Variants in CDC123 observed in about 807,000 individuals in gnomAD.
CDC123 encodes translation initiation factor eIF2 assembly protein.
CDC123 carries 37 observed loss-of-function variants against 54.4 expected under a neutral mutation model. The ratio of observed to expected loss-of-function variants is 0.68; its 90% CI spans 0.52 to 0.89. The LOEUF (loss-of-function observed/expected upper bound fraction) is 0.89, where lower values mean the gene tolerates loss of function less well. CDC123 is among the 40% of genes least tolerant of loss of function. The pLI, the probability that CDC123 is intolerant of heterozygous loss-of-function variation, is 0.00. For synonymous variants in CDC123, 144 were observed against 136.8 expected (o/e 1.05, Z -0.37); for missense variants, 361 against 412.1 (o/e 0.88, Z 1.07).
Position 12,221,318 on chromosome 10 carries a change from A to G in CDC123, c.440+3851A>G, listed in dbSNP as rs115164672. On this transcript the variant is annotated intron_variant, in intron 6 of 12. Transcript: ENST00000281141. ...AGGCCCTTTCCTTCCACCATCCTTG[A>G]CTTAGTGGCTCGGTCTTTGGGTTTC... Among the ~76,000 whole-genome samples, 916 of 152,256 alleles carry G rather than the reference A, an allele frequency of 6.0e-3. 9 individuals are homozygous for G. The highest frequency in any genetic ancestry group is 0.021 in the African/African-American group (878 of 41,536).
At chr10:12,241,079 A>G (rs1195857308) in intron 10 of CDC123, among the ~76,000 whole-genome samples, 2 of 152,176 alleles carry the variant, frequency 1.3e-5, no homozygotes, top group Non-Finnish European at 2.9e-5. Context: ...GCTTGCCTTT[A>G]CAATATAGGG....
rs1206125040 is a variant in CDC123, at chr10:12,230,953, T to C, written c.446T>C (p.Ile149Thr). 1.2e-6 allele frequency: 2 copies of C among 1,611,846 alleles called. No individual in the cohort carries two copies. Among genetic ancestry groups the C allele is most frequent in the East Asian group, 4.5e-5 (2 of 44,830 alleles). The change falls in exon 7 of 13, where the codon ATT (isoleucine) becomes ACT (threonine). Residue 149 changes from isoleucine to threonine, a missense_variant. Physicochemically the swap from Ile to Thr is moderately conservative, Grantham distance 89 (BLOSUM62 -1). Coordinates refer to ENST00000281141, the MANE Select transcript of CDC123 (RefSeq NM_006023.3). Reference sequence around the variant, plus strand: ...CTTTTCTTCTTCTTCCAAAGGTTTATTCATTGTACTGATGATTCTCCAGAT... The same window carrying C: ...CTTTTCTTCTTCTTCCAAAGGTTTACTCATTGTACTGATGATTCTCCAGAT... ...FITRDFTQPF[I>T]HCTDDSPDPC...
intron 10 of CDC123, among the ~76,000 whole-genome samples, chr10:12,239,420 A>G (rs953308907): frequency 1.3e-5 from 2 of 152,172 alleles, no homozygotes; most frequent in Non-Finnish European, 2.9e-5. Context: ...TGATATTTAT[A>G]TAATTATTTT....
intron 7 of CDC123, among the ~76,000 whole-genome samples, chr10:12,233,001 C>T (rs921631579): frequency 4.5e-4 from 69 of 152,108 alleles, no homozygotes; most frequent in African/African-American, 1.6e-3. Context: ...CCTCGTGATC[C>T]GTCCGCCTCA....
chr10:12,214,385 A>G (rs1327824668), intron 4 of CDC123, among the ~76,000 whole-genome samples: 3 of 152,168 alleles, frequency 2.0e-5, no homozygotes, highest in African/African-American at 7.2e-5. Flanking sequence ...CATAAATCAT[A>G]ATTGCTTTGG....
rs182040727 is a variant in CDC123, at chr10:12,250,043, A to G, written c.985-268A>G. ...CTCTGCTCTGGTGGTGATTTTACTC[A>G]AGAGGGGATGTGAATATTTATATTT... On this transcript the variant is annotated intron_variant, in intron 12 of 12. Transcript: ENST00000281141. 1.5e-3 allele frequency: 735 copies of G among 475,142 alleles called. 1 individual carries two copies. The highest frequency in any genetic ancestry group is 3.6e-3 in the Admixed American group (93 of 25,810). 29.4% of individuals were successfully genotyped at this position (475,142 alleles called of 1,614,324 possible). A position where few individuals can be genotyped will look rare whatever the true frequency, so the allele number is the denominator to read the frequency against.
At chr10:12,219,795 C>T (rs1021651843) in intron 6 of CDC123, among the ~76,000 whole-genome samples, 9 of 151,466 alleles carry the variant, frequency 5.9e-5, no homozygotes, top group African/African-American at 1.7e-4. Flanking sequence ...AGCAGTTCTT[C>T]TGCCTCAGCC....
At chr10:12,246,125 G>T (rs2131771606) in intron 10 of CDC123, 24 bp from the exon 11 acceptor site, 3 of 1,604,704 alleles carry the variant, frequency 1.9e-6, no homozygotes, top group East Asian at 2.2e-5. Context: ...GTTTGTTTTT[G>T]TTTTTTCTCT....
At chr10:12,209,366 A>G (rs1241914440) in intron 2 of CDC123, among the ~76,000 whole-genome samples, 5 of 152,022 alleles carry the variant, frequency 3.3e-5, no homozygotes, top group Admixed American at 1.3e-4. Context: ...CTTCCTGAAT[A>G]GCTGTGACCA....
chr10:12,230,101 T>C (rs1192820242), intron 6 of CDC123, among the ~76,000 whole-genome samples: 2 of 152,212 alleles, frequency 1.3e-5, no homozygotes, highest in Admixed American at 6.5e-5. Flanking sequence ...TCTCTATGGT[T>C]ATAATAGCCC....
intron 5 of CDC123, among the ~76,000 whole-genome samples, chr10:12,216,189 C>G (rs1835661942): frequency 6.6e-6 from 1 of 152,108 alleles, no homozygotes; most frequent in African/African-American, 2.4e-5. Context: ...GTAATAGTGT[C>G]ATAGGCTATA....
chr10:12,218,575 T>C (rs1003864592), intron 6 of CDC123, among the ~76,000 whole-genome samples: 23 of 152,210 alleles, frequency 1.5e-4, no homozygotes, highest in African/African-American at 4.8e-4. Flanking sequence ...CTTTTGCACT[T>C]ACCAGTGTGA....
chr10:12,245,002 C>CTA (rs1439160442), intron 10 of CDC123: 1 of 152,304 alleles, frequency 6.6e-6, no homozygotes, highest in African/African-American at 2.4e-5. Flanking sequence ...GAGTGAGACT[C>CTA]TCACAAAAAA....
At chr10:12,224,641 T>C (rs747251774) in intron 6 of CDC123, among the ~76,000 whole-genome samples, 1 of 152,228 alleles carries the variant, frequency 6.6e-6, no homozygotes, top group Non-Finnish European at 1.5e-5. Context: ...TCCTTTCAGC[T>C]TAGACTACAA....
chr10:12,246,213 G>C lies in CDC123; in HGVS notation c.782G>C (p.Trp261Ser). Residue 261 changes from tryptophan (W) to serine (S), a missense_variant, in exon 11 of 13, where the codon TGG becomes TCG. Coordinates refer to ENST00000281141, the MANE Select transcript of CDC123 (RefSeq NM_006023.3). Reference sequence around the variant, plus strand: ...GTCACAGATTCACTGCTGTTCACCTGGGAAGAACTGATATCTGAGAACAAC... The same window carrying C: ...GTCACAGATTCACTGCTGTTCACCTCGGAAGAACTGATATCTGAGAACAAC... Reference protein sequence around the residue: ...GEVTDSLLFTWEELISENNLN... With the variant: ...GEVTDSLLFTSEELISENNLN... The C allele has an allele frequency of 1.9e-6, 3 of 1,614,124 alleles. No individual in the cohort carries two copies. Among genetic ancestry groups the C allele is most frequent in the Non-Finnish European group, 2.5e-6 (3 of 1,179,970 alleles).
chr10:12,223,084 C>T (rs1051292890), intron 6 of CDC123, among the ~76,000 whole-genome samples: 10 of 150,752 alleles, frequency 6.6e-5, no homozygotes, highest in Non-Finnish European at 1.0e-4. Flanking sequence ...TTAGTAGAGA[C>T]GGGGTTTCAC....
chr10:12,233,676 C>T (rs1182139541), intron 7 of CDC123, among the ~76,000 whole-genome samples: 1 of 151,826 alleles, frequency 6.6e-6, no homozygotes, highest in East Asian at 1.9e-4. Flanking sequence ...ATTTTAGTTT[C>T]AGATTCATTT....
intron 6 of CDC123, among the ~76,000 whole-genome samples, chr10:12,227,403 T>C (rs927389136): frequency 1.3e-5 from 2 of 152,214 alleles, no homozygotes; most frequent in Non-Finnish European, 2.9e-5. Context: ...CTTACATTCA[T>C]TGGAACGTTT....
chr10:12,199,658 G>A (rs944479935), intron 2 of CDC123, among the ~76,000 whole-genome samples: 1 of 152,030 alleles, frequency 6.6e-6, no homozygotes, highest in Non-Finnish European at 1.5e-5. Flanking sequence ...TGGGTTTTTA[G>A]TGTGGTTTTC....
Sources: allele counts gnomAD v4.1 joint callset (sites outside exome capture counted in the v4.1 genomes callset), GRCh38; gene constraint gnomAD v4.1.1; transcripts MANE v1.5; gene names NCBI Gene and HGNC (gene_info 2026-07-23, HGNC 2026-07-21).